MEF2C: variants seen among roughly 807,000 people sequenced by gnomAD.
MEF2C encodes the protein myocyte-specific enhancer factor 2C.
In MEF2C, 6 loss-of-function variants were observed where a neutral mutation model predicts 50.5. The observed-to-expected ratio is 0.12, with a 90% CI of 0.07 to 0.23. MEF2C has a LOEUF of 0.23. Ranked by LOEUF, MEF2C falls within the 10% of genes least tolerant of loss-of-function variation. MEF2C has a pLI of 1.00. For missense variants in MEF2C, 276 were observed against 605.0 expected (o/e 0.46, Z 5.70); for synonymous variants, 183 against 228.0 (o/e 0.80, Z 1.78).
chr5:88,742,672 C>T (rs1253687101), intron 6 of MEF2C: 2 of 985,270 alleles, frequency 2.0e-6, no homozygotes, highest in Non-Finnish European at 2.4e-6. Flanking sequence ...CCAAAGGGGT[C>T]GAAGGCATAT....
intron 1 of MEF2C, among the ~76,000 whole-genome samples, chr5:88,896,183 A>T: frequency 6.6e-6 from 1 of 152,070 alleles, no homozygotes; most frequent in South Asian, 2.1e-4. Context: ...ATATTAAGAT[A>T]CTCCTTGAAA....
upstream of MEF2C, chr5:88,884,510 C>T (rs1833818593): frequency 1.3e-5 from 2 of 152,176 alleles, no homozygotes; most frequent in African/African-American, 4.8e-5. Flanking sequence ...ATCTCGACTT[C>T]ATCGCGGGGC....
At chr5:88,763,845 T>C (rs1703190019) in intron 3 of MEF2C, among the ~76,000 whole-genome samples, 2 of 152,030 alleles carry the variant, frequency 1.3e-5, no homozygotes, top group African/African-American at 4.8e-5. Context: ...AGAATCAGGG[T>C]CTCATTATGT....
chr5:88,820,648 A>AT (rs2153205477), intron 2 of MEF2C, among the ~76,000 whole-genome samples: 1 of 152,120 alleles, frequency 6.6e-6, no homozygotes, highest in Admixed American at 6.6e-5. Context: ...ACAGTGAGCC[A>AT]TTGCATGAGG....
rs144751591 is a variant in MEF2C at position 88,846,208 on chromosome 5, C to A, written c.-142-22278G>T. Among the ~76,000 whole-genome samples, 735 of 152,050 alleles carry A rather than the reference C, an allele frequency of 4.8e-3. 3 individuals are homozygous for A. The highest frequency in any genetic ancestry group is 0.017 in the African/African-American group (708 of 41,474). On this transcript the variant is annotated intron_variant, in intron 1 of 10. Transcript: ENST00000504921. ...CTTAGCCTCCTGGTAGCTGGGACTA[C>A]GGGTGCCCGCCACCACGCCAGGCTA... is the stretch of plus-strand genomic sequence containing the variant.
At chr5:88,830,970 C>T (rs544579333) in intron 1 of MEF2C, among the ~76,000 whole-genome samples, 3 of 152,164 alleles carry the variant, frequency 2.0e-5, no homozygotes, top group South Asian at 2.1e-4. Flanking sequence ...ACAAAATAGT[C>T]TGTAAAGCAA....
chr5:88,879,299 C>T (rs1310737822), intron 1 of MEF2C, among the ~76,000 whole-genome samples: 1 of 151,384 alleles, frequency 6.6e-6, no homozygotes. Context: ...TAAACCAAAA[C>T]TTTATTCTCT....
chr5:88,750,504 G>T (rs1259453473), intron 5 of MEF2C, among the ~76,000 whole-genome samples: 3 of 152,024 alleles, frequency 2.0e-5, no homozygotes, highest in African/African-American at 7.2e-5. Context: ...CACTGCATCT[G>T]GCCTTCGTTA....
At chr5:88,902,787 C>T (rs1326668008) in intron 1 of MEF2C, among the ~76,000 whole-genome samples, 3 of 151,352 alleles carry the variant, frequency 2.0e-5, no homozygotes, top group Non-Finnish European at 4.4e-5. Flanking sequence ...ACCAATTCTA[C>T]CCCCCACAGC....
chr5:88,743,871 CTTT>C, intron 6 of MEF2C: 3 of 957,218 alleles, frequency 3.1e-6, no homozygotes, highest in Non-Finnish European at 3.7e-6. Flanking sequence ...ATGTTAGTTT[CTTT>C]TTTATAAAAT....
intron 1 of MEF2C, among the ~76,000 whole-genome samples, chr5:88,839,864 A>C (rs1816699276): frequency 6.6e-6 from 1 of 152,192 alleles, no homozygotes; most frequent in African/African-American, 2.4e-5. Flanking sequence ...GTGTTTCACT[A>C]AATTTACTAT....
intron 1 of MEF2C, among the ~76,000 whole-genome samples, chr5:88,890,504 T>A (rs1196689627): frequency 6.6e-6 from 1 of 152,180 alleles, no homozygotes. Context: ...TAAAAATAAA[T>A]TCTGTCCCTC....
At chr5:88,761,675 C>G (rs1777915876) in intron 3 of MEF2C, 2 of 193,550 alleles carry the variant, frequency 1.0e-5, no homozygotes, top group Non-Finnish European at 1.0e-5. Context: ...TCTCTTCCCA[C>G]AGAAAAATCA....
intron 3 of MEF2C, among the ~76,000 whole-genome samples, chr5:88,786,376 T>A (rs1055030699): frequency 2.6e-5 from 4 of 152,218 alleles, no homozygotes; most frequent in African/African-American, 7.2e-5. Flanking sequence ...GTTGAAGAAC[T>A]GATTAGGTTG....
At chr5:88,772,200 G>C (rs950430754) in intron 3 of MEF2C, 1 of 152,172 alleles carries the variant, frequency 6.6e-6, no homozygotes. Flanking sequence ...TTTCCATAAG[G>C]CATTGCAAAA....
intron 6 of MEF2C, chr5:88,738,354 A>G (rs575291012): frequency 1.0e-6 from 1 of 985,376 alleles, no homozygotes; most frequent in South Asian, 4.7e-5. Context: ...AACTGCTCAG[A>G]AGAGTACCAG....
chr5:88,780,002 C>T (rs1205358333), intron 3 of MEF2C, among the ~76,000 whole-genome samples: 2 of 151,852 alleles, frequency 1.3e-5, no homozygotes, highest in Non-Finnish European at 2.9e-5. Flanking sequence ...AAAAAATTAG[C>T]TGGGCATGGT....
intron 10 of MEF2C, among the ~76,000 whole-genome samples, chr5:88,723,227 T>C (rs1217432055): frequency 6.6e-6 from 1 of 152,202 alleles, no homozygotes; most frequent in Non-Finnish European, 1.5e-5. Flanking sequence ...TAAGACACAA[T>C]GGAAAAAGCA....
chr5:88,903,375 T>C (rs1340966415), intron 1 of MEF2C, among the ~76,000 whole-genome samples: 1 of 151,886 alleles, frequency 6.6e-6, no homozygotes, highest in Non-Finnish European at 1.5e-5. Flanking sequence ...GCAATATATT[T>C]TAAATTATTT....
Sources: gnomAD v4.1 joint callset for allele counts (sites outside exome capture counted in the v4.1 genomes callset) on GRCh38, gnomAD v4.1.1 for gene constraint, MANE v1.5 for transcripts, NCBI Gene and HGNC (gene_info 2026-07-23, HGNC 2026-07-21) for gene names.